Variants in SLIT1 observed in about 807,000 individuals in gnomAD.
SLIT1 encodes the protein slit homolog 1 protein.
In SLIT1, 66 loss-of-function variants were observed where a neutral mutation model predicts 186.1. That is an observed-to-expected ratio of 0.35 (90% CI 0.29 to 0.44). The LOEUF is 0.44. Among genes scored for constraint, SLIT1 ranks in the 20% least tolerant of loss-of-function variants. SLIT1 has a pLI of 1.00. For synonymous variants in SLIT1, 761 were observed against 833.8 expected, an observed-to-expected ratio of 0.91 and a Z score of 1.50; for missense variants, 1,638 against 2,037.4, an observed-to-expected ratio of 0.80 and a Z score of 3.77.
In SLIT1 at chr10:97,048,982, T is replaced by C; in HGVS notation, c.1438A>G (p.Ile480Val). The C allele has an allele frequency of 1.9e-6, 3 of 1,608,608 alleles. No individual in the cohort carries two copies. Among genetic ancestry groups the C allele is most frequent in the Non-Finnish European group, 2.5e-6 (3 of 1,178,990 alleles). Reference sequence around the variant, plus strand: ...GAGCACCGGAACTTCTTGCTCTTGATCTGCCCGATGCGCTTGTTGGCGAGG... The same window carrying C: ...GAGCACCGGAACTTCTTGCTCTTGACCTGCCCGATGCGCTTGTTGGCGAGG... ...RRLANKRIGQIKSKKFRCSAK... is the reference protein window; with the variant it reads ...RRLANKRIGQVKSKKFRCSAK... The change falls in exon 14 of 37, where the codon ATC (isoleucine) becomes GTC (valine). Residue 480 changes from isoleucine (I) to valine (V), a missense_variant. By Grantham distance (29) the Ile-to-Val change is conservative. Around this residue, in one of 3 missense-constraint regions of SLIT1, gnomAD observed 1,245 missense variants for 1,535.3 expected, o/e 0.81. Transcript: ENST00000266058.
chr10:97,071,543 G>A (rs1037322466), intron 4 of SLIT1, among the ~76,000 whole-genome samples: 3 of 152,196 alleles, frequency 2.0e-5, no homozygotes, highest in Admixed American at 6.5e-5. Context: ...CTTTAAGGTG[G>A]CTTATAGGGA....
At chr10:97,063,391 C>G (rs532567966) in intron 8 of SLIT1, 64 bp downstream of exon 8, 1 of 1,566,470 alleles carries the variant, frequency 6.4e-7, no homozygotes, top group Non-Finnish European at 8.8e-7. Context: ...AGATTAGGGG[C>G]GGGAACAAGA....
intron 1 of SLIT1, among the ~76,000 whole-genome samples, chr10:97,183,210 T>C (rs1248716766): frequency 6.6e-6 from 1 of 152,232 alleles, no homozygotes; most frequent in Non-Finnish European, 1.5e-5. Flanking sequence ...GGCCCTCTCC[T>C]GAGAGCTCAC....
At chr10:97,119,913 G>GTGTGTATATATA (rs1241836707) in intron 4 of SLIT1, among the ~76,000 whole-genome samples, 10 of 56,510 alleles carry the variant, frequency 1.8e-4, no homozygotes, top group African/African-American at 3.7e-4. Context: ...TTCCAAAGGG[G>GTGTGTATATATA]TATATATATA....
chr10:97,146,740 C>A (rs1186851561), intron 4 of SLIT1, among the ~76,000 whole-genome samples: 1 of 152,174 alleles, frequency 6.6e-6, no homozygotes, highest in Non-Finnish European at 1.5e-5. Flanking sequence ...CCAGCACAGA[C>A]CCATAGAGCC....
intron 16 of SLIT1, 45 bp from the exon 17 acceptor site, chr10:97,047,110 A>G: frequency 8.0e-7 from 1 of 1,249,676 alleles, no homozygotes; most frequent in Non-Finnish European, 1.2e-6. Flanking sequence ...AATGATGGAC[A>G]TTTCAAATCC....
chr10:97,140,236 C>T (rs1849744286), intron 4 of SLIT1, among the ~76,000 whole-genome samples: 1 of 152,108 alleles, frequency 6.6e-6, no homozygotes, highest in South Asian at 2.1e-4. Flanking sequence ...CCCAGGTTAC[C>T]TCCCTACCCA....
intron 4 of SLIT1, among the ~76,000 whole-genome samples, chr10:97,067,340 C>G (rs1434454091): frequency 6.6e-6 from 1 of 152,198 alleles, no homozygotes; most frequent in Non-Finnish European, 1.5e-5. Context: ...TGCCTCTCTT[C>G]CCTCTCAGCA....
At chr10:97,028,928 C>A (rs1414171506) in intron 25 of SLIT1, among the ~76,000 whole-genome samples, 2 of 152,154 alleles carry the variant, frequency 1.3e-5, no homozygotes, top group Admixed American at 1.3e-4. Context: ...AGGCAGAGCC[C>A]CTTACCCCTC....
At chr10:97,097,617 A>G (rs1849305411) in intron 4 of SLIT1, among the ~76,000 whole-genome samples, 1 of 152,202 alleles carries the variant, frequency 6.6e-6, no homozygotes, top group African/African-American at 2.4e-5. Context: ...ACAAAAGCAA[A>G]CAATCTAAAA....
At chr10:97,131,404 AC>A (rs1377195477) in intron 4 of SLIT1, among the ~76,000 whole-genome samples, 5 of 152,198 alleles carry the variant, frequency 3.3e-5, no homozygotes, top group Non-Finnish European at 5.9e-5. Flanking sequence ...GGCTGCGCCC[AC>A]CCAGCCCTGG....
rs115687394 is a variant in SLIT1, at chr10:97,078,225, G to A, written c.414-12139C>T. 9.5e-3 allele frequency among the ~76,000 whole-genome samples: 1,452 copies of A among 152,292 alleles called. 20 individuals are homozygous for A. The highest frequency in any genetic ancestry group is 0.029 in the African/African-American group (1,194 of 41,550). On this transcript the variant is annotated intron_variant, in intron 4 of 36. Transcript: ENST00000266058. ...GGGGCCTGACACTGTGGATGGTGGGGTCTGAGCTCTGCCCTTATTCATCCC... is the reference window on the plus strand; with the variant it reads ...GGGGCCTGACACTGTGGATGGTGGGATCTGAGCTCTGCCCTTATTCATCCC...
At chr10:97,146,375 A>G (rs144373284) in intron 4 of SLIT1, among the ~76,000 whole-genome samples, 1 of 152,220 alleles carries the variant, frequency 6.6e-6, no homozygotes, top group Non-Finnish European at 1.5e-5. Flanking sequence ...TACCATGTAC[A>G]AGTCATCACT....
intron 15 of SLIT1, 54 bp from the exon 16 acceptor site, chr10:97,047,888 A>T: frequency 6.2e-7 from 1 of 1,613,400 alleles, no homozygotes; most frequent in Non-Finnish European, 8.5e-7. Context: ...GGCTCCCAGC[A>T]GTTTGGGTCA....
intron 5 of SLIT1, chr10:97,065,506 T>C (rs1460548775): frequency 6.3e-6 from 1 of 158,962 alleles, no homozygotes; most frequent in African/African-American, 2.4e-5. Flanking sequence ...AGCCATTACA[T>C]TTAAATAGCA....
At chr10:97,031,782 C>T (rs545102169) in intron 23 of SLIT1, 105 bp from the exon 24 acceptor site, 16 of 871,760 alleles carry the variant, frequency 1.8e-5, no homozygotes, top group South Asian at 5.0e-5. Context: ...GCAGCCTCCT[C>T]GGGCTCTGTG....
At chr10:97,014,226 G>T in intron 28 of SLIT1, 68 bp from the exon 29 acceptor site, 1 of 1,550,928 alleles carries the variant, frequency 6.4e-7, no homozygotes, top group Admixed American at 1.7e-5. Context: ...GTGGCTGCCG[G>T]TTAATATCAC....
chr10:97,012,883 C>T (rs1848423912), intron 30 of SLIT1, among the ~76,000 whole-genome samples: 1 of 152,202 alleles, frequency 6.6e-6, no homozygotes, highest in Admixed American at 6.5e-5. Context: ...CCCTTGCTGG[C>T]CTGACTGGTG....
chr10:97,155,585 A>T (rs1849939261), intron 4 of SLIT1, among the ~76,000 whole-genome samples: 1 of 152,136 alleles, frequency 6.6e-6, no homozygotes, highest in African/African-American at 2.4e-5. Context: ...GGTCTTGGAG[A>T]TTTTAAAATC....
Sources: allele counts gnomAD v4.1 joint callset (sites outside exome capture counted in the v4.1 genomes callset), GRCh38; gene constraint gnomAD v4.1.1; regional missense constraint gnomAD v4.1.1; transcripts MANE v1.5; gene names NCBI Gene and HGNC (gene_info 2026-07-23, HGNC 2026-07-21).